GSPT1: variants seen among roughly 807,000 people sequenced by gnomAD.
GSPT1 encodes G1 to S phase transition 1.
In GSPT1, 20 loss-of-function variants were observed where a neutral mutation model predicts 72.5. The ratio of observed to expected loss-of-function variants is 0.28; its 90% CI spans 0.19 to 0.40. GSPT1 has a LOEUF of 0.40. GSPT1 is among the 10% of genes least tolerant of loss of function. GSPT1 has a pLI of 1.00. For missense variants in GSPT1, 580 were observed against 811.9 expected, an observed-to-expected ratio of 0.71 and a Z score of 3.47; for synonymous variants, 334 against 293.5, an observed-to-expected ratio of 1.14 and a Z score of -1.41.
In GSPT1 at chr16:11,877,632, C is replaced by T. The variant is rs970795255; in HGVS notation, c.1429-52G>A. ...TTTCTGACACATTCACTGCATTACG[C>T]AACATAAAATGATCTGAATGTCTGT... is the stretch of plus-strand genomic sequence containing the variant. On this transcript the variant is annotated intron_variant, in intron 11 of 14. Transcript: ENST00000434724. This position sits in a 1 kb window ranked among gnomAD's most constrained non-coding sequence, Gnocchi z 4.0. 8.9e-7 allele frequency: 1 copy of T among 1,128,784 alleles called. No homozygotes were observed. Among genetic ancestry groups the T allele is most frequent in the Non-Finnish European group, 1.3e-6 (1 of 799,150 alleles). The allele number at this position is 1,128,784 out of a possible 1,614,324, so 69.9% of individuals were successfully genotyped here. A position where few individuals can be genotyped will look rare whatever the true frequency, so the allele number is the denominator to read the frequency against.
intron 3 of GSPT1, among the ~76,000 whole-genome samples, 182 bp downstream of exon 3, chr16:11,897,658 C>T (rs1312865607): frequency 2.0e-5 from 3 of 152,190 alleles, no homozygotes; most frequent in African/African-American, 7.2e-5. Flanking sequence ...TATTTGCAAT[C>T]ATTAAGTTTA....
At chr16:11,892,829 CAAAAAAAAAAAAAAA>C (rs57546698) in intron 5 of GSPT1, among the ~76,000 whole-genome samples, 12 of 31,224 alleles carry the variant, frequency 3.8e-4, no homozygotes, top group Non-Finnish European at 4.8e-4. Context: ...GATTCTGTCT[CAAAAAAAAAAAAAAA>C]AAAAAAAAAA....
At position 11,915,698 on chromosome 16, in the gene GSPT1, C is replaced by CCGA; in HGVS notation, c.22_23insTCG (p.Gly7_Gly8insVal). ...CCCGCCGCCGCCGCCGCCGCCGCCG[C>CCGA]CGCCGCCACTGCCCGGATCCATGAT... On this transcript the variant is annotated inframe_insertion, in exon 1 of 15. Coordinates refer to ENST00000434724, the MANE Select transcript of GSPT1 (RefSeq NM_002094.4). 1.3e-6 allele frequency: 2 copies of CCGA among 1,496,160 alleles called. No homozygotes were observed. The highest frequency in any genetic ancestry group is 1.8e-6 in the Non-Finnish European group (2 of 1,131,408). The allele number at this position is 1,496,160 out of a possible 1,614,324, so 92.7% of individuals were successfully genotyped here.
At chr16:11,896,517 T>C in intron 4 of GSPT1, 41 bp downstream of exon 4, 1 of 1,080,168 alleles carries the variant, frequency 9.3e-7, no homozygotes, top group South Asian at 1.3e-5. Flanking sequence ...GTTCTATGTT[T>C]TATGTATCCA....
chr16:11,895,219 T>G (rs2054319144), intron 4 of GSPT1: 1 of 354,350 alleles, frequency 2.8e-6, no homozygotes, highest in South Asian at 3.5e-5. Flanking sequence ...TGACCTCAGG[T>G]CAGGAGTTCG....
intron 10 of GSPT1, 84 bp from the exon 11 acceptor site, chr16:11,883,179 G>A: frequency 3.8e-6 from 3 of 788,424 alleles, no homozygotes; most frequent in Non-Finnish European, 6.6e-6. Context: ...ATTCTACACT[G>A]CTTATTCATA....
intron 1 of GSPT1, among the ~76,000 whole-genome samples, chr16:11,904,481 C>T (rs986075212): frequency 3.3e-5 from 5 of 152,198 alleles, no homozygotes; most frequent in African/African-American, 2.4e-5. Flanking sequence ...GGATTACAAG[C>T]GTGAGCCACT....
chr16:11,880,937 C>T (rs773687734), intron 11 of GSPT1: 8 of 152,396 alleles, frequency 5.2e-5, no homozygotes, highest in Non-Finnish European at 1.0e-4. Context: ...CTCGCACTGT[C>T]GCCTGTGCTG....
chr16:11,877,503 G>A lies in GSPT1; in HGVS notation c.1506C>T (p.Ile502=), dbSNP rs768671780. The A allele has an allele frequency of 6.2e-7, 1 of 1,609,864 alleles. No homozygotes were observed. Among genetic ancestry groups the A allele is most frequent in the East Asian group, 2.2e-5 (1 of 44,814 alleles). The change falls in exon 12 of 15, where the codon ATC becomes ATT. Residue 502 remains isoleucine (I), a synonymous_variant. Coordinates refer to ENST00000434724, the MANE Select transcript of GSPT1 (RefSeq NM_002094.4). The surrounding 1 kb of genome is among the most constrained non-coding windows in gnomAD (Gnocchi z 4.0). ...DTVAPGENLK[I]RLKGIEEEEI... ...CCTCTTCTTCAATTCCTTTCAGTCT[G>A]ATTTTGAGGTTTTCACCTGGGGCTA...
intron 1 of GSPT1, chr16:11,909,011 G>C (rs1270911405): frequency 6.6e-6 from 1 of 151,648 alleles, no homozygotes; most frequent in Non-Finnish European, 1.5e-5. Flanking sequence ...AAAGGCAATG[G>C]ACAAGTAGTA....
At chr16:11,903,172 T>A (rs550642038) in intron 1 of GSPT1, among the ~76,000 whole-genome samples, 1 of 152,154 alleles carries the variant, frequency 6.6e-6, no homozygotes, top group Non-Finnish European at 1.5e-5. Flanking sequence ...AATCATAGAA[T>A]ATGTGGTGTT....
At chr16:11,916,558 A>G (rs2054639920), upstream of GSPT1, among the ~76,000 whole-genome samples, 1 of 152,138 alleles carries the variant, frequency 6.6e-6, no homozygotes, top group East Asian at 1.9e-4. Context: ...CTTCATTTCA[A>G]AGCCGGTGCA....
intron 5 of GSPT1, among the ~76,000 whole-genome samples, chr16:11,892,525 A>AT (rs2054278214): frequency 7.7e-5 from 11 of 141,956 alleles, no homozygotes; most frequent in African/African-American, 3.1e-4. Context: ...AAAAAAAACA[A>AT]AAAAAACAAA....
chr16:11,892,821 T>G (rs114636881), intron 5 of GSPT1, among the ~76,000 whole-genome samples: 963 of 73,436 alleles, frequency 0.013, 25 homozygotes, highest in African/African-American at 0.068. Flanking sequence ...GCGATAGAGA[T>G]TCTGTCTCAA....
At position 11,915,885 on chromosome 16, in the gene GSPT1, C is replaced by G. The variant is rs920135400; in HGVS notation, c.-165G>C. ...GTCGCCGCGGCAGCAGCTCCAGTCC[C>G]GACTCCACACTCGCGACGACGACAG... is the stretch of plus-strand genomic sequence containing the variant. On this transcript the variant is annotated 5_prime_UTR_variant, in exon 1 of 15. Transcript: ENST00000434724. The G allele has an allele frequency of 3.0e-6, 3 of 997,730 alleles. No homozygotes were observed. The highest frequency in any genetic ancestry group is 2.5e-5 in the South Asian group (2 of 78,738). 61.8% of individuals were successfully genotyped at this position (997,730 alleles called of 1,614,324 possible). A position where few individuals can be genotyped will look rare whatever the true frequency, so the allele number is the denominator to read the frequency against.
intron 2 of GSPT1, 39 bp from the exon 3 acceptor site, chr16:11,897,920 C>G: frequency 5.5e-6 from 8 of 1,451,448 alleles, no homozygotes; most frequent in South Asian, 3.6e-5. Flanking sequence ...ATTTACCAAA[C>G]AGTATCTAGC....
At chr16:11,895,032 C>G (rs2054316465) in intron 4 of GSPT1, 45 bp from the exon 5 acceptor site, 3 of 1,306,252 alleles carry the variant, frequency 2.3e-6, no homozygotes, top group Admixed American at 1.9e-5. Context: ...AAACCAAAAA[C>G]CAATGGCTAA....
Position 11,915,526 on chromosome 16 carries a change from GA to G in GSPT1, c.194del (p.Phe65SerfsTer82). ...TGGCGTTGACGTTGAGTTGCCGGCT[GA>G]AGGCCGCGCTGAGGTTCTCCCGCTG... The part of the protein sequence containing the change: ...EAQRENLSAA[F>X]SRQLNVNAKP... On this transcript the variant is annotated frameshift_variant, in exon 1 of 15. Transcript: ENST00000434724. LOFTEE classifies it high-confidence loss of function. 1 of 1,524,158 alleles carries G rather than the reference GA, an allele frequency of 6.6e-7. No individual in the cohort carries two copies. The allele number at this position is 1,524,158 out of a possible 1,614,324, so 94.4% of individuals were successfully genotyped here.
chr16:11,916,279 G>A (rs553857913), upstream of GSPT1, among the ~76,000 whole-genome samples: 2 of 152,256 alleles, frequency 1.3e-5, no homozygotes, highest in Non-Finnish European at 2.9e-5. Context: ...CACCTGGTGG[G>A]GGGGCAGCGG....
Sources: gnomAD v4.1 joint callset for allele counts (sites outside exome capture counted in the v4.1 genomes callset) on GRCh38, gnomAD v4.1.1 for gene constraint, Gnocchi (gnomAD v3.1) non-coding constraint, MANE v1.5 for transcripts, NCBI Gene and HGNC (gene_info 2026-07-23, HGNC 2026-07-21) for gene names.